The following PID1 variants were observed in gnomAD, a reference collection of about 807,000 sequenced individuals.
The protein encoded by PID1 is phosphotyrosine interaction domain containing 1, also known as PTB-containing, cubilin and LRP1-interacting protein.
In PID1, 10 loss-of-function variants were observed where a neutral mutation model predicts 19.1. That is an observed-to-expected ratio of 0.52 (90% CI 0.32 to 0.89). The LOEUF (loss-of-function observed/expected upper bound fraction) is 0.89, where lower values mean the gene tolerates loss of function less well. Ranked by LOEUF, PID1 falls within the 40% of genes least tolerant of loss-of-function variation. The probability of loss-of-function intolerance (pLI) is 0.03; values close to 1 mark genes in which losing one functional copy is unlikely to be tolerated. For synonymous variants in PID1, 130 were observed against 116.0 expected (o/e 1.12, Z -0.78); for missense variants, 248 against 285.3 (o/e 0.87, Z 0.94).
intron 1 of PID1, among the ~76,000 whole-genome samples, chr2:229,261,831 G>A (rs542834760): frequency 6.6e-6 from 1 of 151,908 alleles, no homozygotes; most frequent in South Asian, 2.1e-4. Context: ...AAACATTTGT[G>A]CCTTCCTGGC....
chr2:229,026,186 T>TTCTGATAGACTGTGTGACA, intron 2 of PID1, 78 bp from the exon 3 acceptor site: 1 of 929,778 alleles, frequency 1.1e-6, no homozygotes. Context: ...GAGTAGCTGT[T>TTCTGATAGACTGTGTGACA]CCACACAGTC....
rs560842985 is a variant in PID1, at chr2:229,120,326, A to C, written c.177+35492T>G. ...AATACATATTTTGTATACGTATTTC[A>C]TTCTATATTCTTGCAATAAAATAGG... On this transcript the variant is annotated intron_variant, in intron 2 of 2. Coordinates refer to ENST00000392055, the MANE Select transcript of PID1 (RefSeq NM_001100818.2). 2.0e-5 allele frequency among the ~76,000 whole-genome samples: 3 copies of C among 152,294 alleles called. No individual in the cohort carries two copies. In the South Asian group the frequency reaches 6.2e-4, roughly 32 times the overall value.
intron 2 of PID1, among the ~76,000 whole-genome samples, chr2:229,122,895 C>T (rs1429479861): frequency 2.0e-5 from 3 of 152,052 alleles, no homozygotes; most frequent in East Asian, 1.9e-4. Context: ...TACTGGAACC[C>T]GCTGTACAGC....
At chr2:229,160,555 G>A (rs1043720188) in intron 1 of PID1, among the ~76,000 whole-genome samples, 3 of 152,092 alleles carry the variant, frequency 2.0e-5, no homozygotes, top group Non-Finnish European at 2.9e-5. Flanking sequence ...GCCAAATACT[G>A]TGATAGGCAC....
chr2:229,135,227 T>C (rs1201106572), intron 2 of PID1, among the ~76,000 whole-genome samples: 2 of 152,194 alleles, frequency 1.3e-5, no homozygotes, highest in African/African-American at 2.4e-5. Flanking sequence ...ACGTGGTTTG[T>C]TCCCCCGCAG....
chr2:229,069,143 TTG>T lies in PID1; in HGVS notation c.178-43037_178-43036del, dbSNP rs61118908. Among the ~76,000 whole-genome samples the T allele has an allele frequency of 9.5e-3, 1,341 of 140,690 alleles. 23 individuals carry two copies. The highest frequency in any genetic ancestry group is 0.033 in the African/African-American group (1,246 of 37,550). The allele number at this position is 140,690 out of a possible 152,430, so 92.3% of individuals were successfully genotyped here. A position where few individuals can be genotyped will look rare whatever the true frequency, so the allele number is the denominator to read the frequency against. ...TTCCTTTCTTTAACGAGAAGGGTTT[TTG>T]TGTGTGTGTGTGTGTGTGTGTGTGT... On this transcript the variant is annotated intron_variant, in intron 2 of 2. Transcript: ENST00000392055.
intron 1 of PID1, among the ~76,000 whole-genome samples, chr2:229,250,184 G>A (rs1690113810): frequency 6.6e-6 from 1 of 152,108 alleles, no homozygotes; most frequent in African/African-American, 2.4e-5. Context: ...GGAAAAGAAG[G>A]TATAAACCAA....
rs1333782945 is a variant in PID1, at chr2:229,105,502, TA to T, written c.177+50315del. Among the ~76,000 whole-genome samples the T allele has an allele frequency of 2.0e-5, 3 of 152,242 alleles. No homozygotes were observed. In the East Asian group the frequency reaches 5.8e-4, roughly 29 times the overall value. ...AAAGTTCTTTGTAAATGGGTGGGGC[TA>T]GGGGCAAGGAGTGTGAACTTGACAG... On this transcript the variant is annotated intron_variant, in intron 2 of 2. Transcript: ENST00000392055.
At chr2:229,061,326 G>A (rs1694208132) in intron 2 of PID1, among the ~76,000 whole-genome samples, 1 of 151,910 alleles carries the variant, frequency 6.6e-6, no homozygotes, top group Non-Finnish European at 1.5e-5. Context: ...TGCATGTGGA[G>A]AACCAGTTTT....
intron 1 of PID1, among the ~76,000 whole-genome samples, chr2:229,193,540 T>C (rs927416235): frequency 6.6e-6 from 1 of 152,116 alleles, no homozygotes; most frequent in Non-Finnish European, 1.5e-5. Flanking sequence ...TCAAGCATTG[T>C]TAGTCTACCA....
chr2:229,065,018 A>G (rs1010379721), intron 2 of PID1, among the ~76,000 whole-genome samples: 2 of 152,126 alleles, frequency 1.3e-5, no homozygotes, highest in South Asian at 2.1e-4. Flanking sequence ...GGCTCAAGAG[A>G]GTGATAACCA....
At chr2:229,036,406 T>C (rs918530945) in intron 2 of PID1, among the ~76,000 whole-genome samples, 2 of 152,192 alleles carry the variant, frequency 1.3e-5, no homozygotes, top group Admixed American at 1.3e-4. Context: ...GAGTCTCTGA[T>C]ACCATTTTGG....
chr2:229,253,863 C>G (rs1690218929), intron 1 of PID1, among the ~76,000 whole-genome samples: 1 of 152,144 alleles, frequency 6.6e-6, no homozygotes, highest in Non-Finnish European at 1.5e-5. Flanking sequence ...TTGCAAGCAA[C>G]AGACACCAAC....
chr2:229,145,419 A>G (rs1690110447), intron 2 of PID1, among the ~76,000 whole-genome samples: 1 of 151,864 alleles, frequency 6.6e-6, no homozygotes, highest in Non-Finnish European at 1.5e-5. Context: ...TAGTGGAAAT[A>G]TATTTTATCC....
intron 2 of PID1, among the ~76,000 whole-genome samples, chr2:229,105,335 A>C (rs1695155877): frequency 1.3e-5 from 2 of 152,226 alleles, no homozygotes; most frequent in African/African-American, 4.8e-5. Flanking sequence ...AATCACCGAC[A>C]GTGAGTTTCC....
At chr2:229,097,450 T>C (rs1197515585) in intron 2 of PID1, among the ~76,000 whole-genome samples, 1 of 152,222 alleles carries the variant, frequency 6.6e-6, no homozygotes, top group Non-Finnish European at 1.5e-5. Context: ...AGGGAAACTA[T>C]ATTCCTTTGA....
At chr2:229,105,282 G>A (rs921419279) in intron 2 of PID1, among the ~76,000 whole-genome samples, 2 of 152,136 alleles carry the variant, frequency 1.3e-5, no homozygotes, top group African/African-American at 4.8e-5. Flanking sequence ...TCAGACCAGC[G>A]CCATGTGGAA....
chr2:229,152,146 C>T (rs942388633), intron 2 of PID1, among the ~76,000 whole-genome samples: 6 of 152,150 alleles, frequency 3.9e-5, no homozygotes, highest in African/African-American at 2.4e-5. Flanking sequence ...ACTCAGGTTG[C>T]TCTTGTCACA....
intron 2 of PID1, among the ~76,000 whole-genome samples, chr2:229,118,368 G>A (rs1157156671): frequency 6.6e-6 from 1 of 152,134 alleles, no homozygotes; most frequent in Non-Finnish European, 1.5e-5. Flanking sequence ...GTTGGCAAAG[G>A]ATTCTTCATT....
Sources: allele counts gnomAD v4.1 joint callset (sites outside exome capture counted in the v4.1 genomes callset), GRCh38; gene constraint gnomAD v4.1.1; transcripts MANE v1.5; gene names NCBI Gene and HGNC (gene_info 2026-07-23, HGNC 2026-07-21).